LRP1B: variants seen among roughly 807,000 people sequenced by gnomAD.
The protein encoded by LRP1B is LDL receptor related protein 1B, also known as low-density lipoprotein receptor-related protein 1B.
A neutral mutation model predicts 556.6 loss-of-function variants in LRP1B; 217 were observed. That is an observed-to-expected ratio of 0.39 (90% CI 0.35 to 0.44). The LOEUF (loss-of-function observed/expected upper bound fraction) is 0.44. Ranked by LOEUF, LRP1B falls within the 20% of genes least tolerant of loss-of-function variation. The pLI is 1.00. For missense variants in LRP1B, 5,053 were observed against 5,620.8 expected (o/e 0.90, Z 3.23); for synonymous variants, 2,047 against 1,865.8 (o/e 1.10, Z -2.50).
intron 62 of LRP1B, among the ~76,000 whole-genome samples, chr2:140,452,995 A>C (rs16843965): frequency 0.071 from 9,737 of 137,240 alleles, 423 homozygotes; most frequent in African/African-American, 0.11. Flanking sequence ...ATAGGAGTGG[A>C]GAAAACTTAT....
At chr2:140,420,843 G>A (rs866891263) in intron 66 of LRP1B, among the ~76,000 whole-genome samples, 5 of 152,276 alleles carry the variant, frequency 3.3e-5, no homozygotes, top group African/African-American at 9.6e-5. Context: ...CAGGGGTGCA[G>A]GAAGCAGTGG....
intron 3 of LRP1B, among the ~76,000 whole-genome samples, chr2:141,442,253 T>C (rs185385879): frequency 5.2e-4 from 79 of 152,162 alleles, no homozygotes; most frequent in African/African-American, 1.8e-3. Flanking sequence ...ATACAACAAA[T>C]AGCAACATAC....
intron 31 of LRP1B, 85 bp from the exon 32 acceptor site, chr2:140,813,891 A>AG: frequency 1.1e-6 from 1 of 929,064 alleles, no homozygotes; most frequent in Non-Finnish European, 1.6e-6. Context: ...TGAGGGGAAA[A>AG]AAATAAGTTG....
At chr2:140,975,135 C>T (rs1341807769) in intron 18 of LRP1B, among the ~76,000 whole-genome samples, 2 of 152,112 alleles carry the variant, frequency 1.3e-5, no homozygotes, top group African/African-American at 2.4e-5. Context: ...AAAGGGCAGC[C>T]CACCAAGCAA....
intron 18 of LRP1B, among the ~76,000 whole-genome samples, chr2:140,973,991 T>G (rs546072868): frequency 1.3e-5 from 2 of 152,128 alleles, no homozygotes; most frequent in African/African-American, 4.8e-5. Flanking sequence ...CCTACAAACA[T>G]AGTCATGTAA....
chr2:140,455,385 A>T (rs1351405376), intron 62 of LRP1B, among the ~76,000 whole-genome samples: 1 of 152,202 alleles, frequency 6.6e-6, no homozygotes, highest in Non-Finnish European at 1.5e-5. Flanking sequence ...GAGTAATAAT[A>T]ACAACACCTA....
At chr2:141,370,805 T>C (rs2105590323) in intron 3 of LRP1B, among the ~76,000 whole-genome samples, 1 of 152,308 alleles carries the variant, frequency 6.6e-6, no homozygotes, top group Middle Eastern at 3.4e-3. Flanking sequence ...GTAATCCATC[T>C]TGAGTTGATT....
chr2:141,004,036 G>A (rs10928090), intron 15 of LRP1B, among the ~76,000 whole-genome samples: 84,203 of 151,860 alleles, frequency 0.55, 23,717 homozygotes, highest in Admixed American at 0.6. Context: ...TTTGAAAAAT[G>A]CATCTTTTCT....
At chr2:141,232,480 G>A (rs920594794) in intron 5 of LRP1B, among the ~76,000 whole-genome samples, 1 of 152,066 alleles carries the variant, frequency 6.6e-6, no homozygotes, top group African/African-American at 2.4e-5. Flanking sequence ...CTTAATGTAG[G>A]GCATAAACAT....
chr2:141,433,358 G>A (rs556966715), intron 3 of LRP1B, among the ~76,000 whole-genome samples: 22 of 152,142 alleles, frequency 1.4e-4, no homozygotes, highest in Admixed American at 2.6e-4. Context: ...TAAGAAGAGC[G>A]TGTATTCTGC....
At chr2:140,487,510 C>G in intron 58 of LRP1B, 107 bp downstream of exon 58, 1 of 1,054,406 alleles carries the variant, frequency 9.5e-7, no homozygotes, top group Non-Finnish European at 1.4e-6. Context: ...TGAAACCACC[C>G]TAATGCATTT....
At chr2:141,729,491 A>C (rs1437697008) in intron 2 of LRP1B, among the ~76,000 whole-genome samples, 1 of 152,144 alleles carries the variant, frequency 6.6e-6, no homozygotes, top group Non-Finnish European at 1.5e-5. Flanking sequence ...TAAAATCAGA[A>C]ATTATACATC....
At chr2:141,191,125 C>T (rs1009016682) in intron 6 of LRP1B, among the ~76,000 whole-genome samples, 1 of 151,910 alleles carries the variant, frequency 6.6e-6, no homozygotes, top group Admixed American at 6.6e-5. Flanking sequence ...ATGTTCTCTC[C>T]ATAACTTTCT....
At chr2:141,278,609 T>C (rs1573746345) in intron 3 of LRP1B, among the ~76,000 whole-genome samples, 1 of 152,054 alleles carries the variant, frequency 6.6e-6, no homozygotes, top group East Asian at 1.9e-4. Flanking sequence ...ATGATGAGGG[T>C]GATCTTTTCC....
intron 83 of LRP1B, among the ~76,000 whole-genome samples, chr2:140,302,329 T>C (rs1683869732): frequency 6.6e-6 from 1 of 152,204 alleles, no homozygotes; most frequent in African/African-American, 2.4e-5. Context: ...TCCATGTTGA[T>C]GTCTCTGGAC....
intron 20 of LRP1B, among the ~76,000 whole-genome samples, chr2:140,930,220 T>G (rs548401625): frequency 1.3e-5 from 2 of 152,272 alleles, no homozygotes; most frequent in South Asian, 4.1e-4. Flanking sequence ...TTTGCTGTTA[T>G]GTTTTCATGT....
chr2:140,425,279 G>A lies in LRP1B; in HGVS notation c.10414+17225C>T, dbSNP rs140650560. 2.0e-5 allele frequency among the ~76,000 whole-genome samples: 3 copies of A among 152,150 alleles called. No individual in the cohort carries two copies. The East Asian group carries it at 5.8e-4, about 29-fold the overall frequency. On this transcript the variant is annotated intron_variant, in intron 66 of 90. Coordinates refer to ENST00000389484, the MANE Select transcript of LRP1B (RefSeq NM_018557.3). ...TAAAAATTACCTATTCCATTAATTT[G>A]TATCTGAGTCTTACTTCTCTGCCTA...
intron 86 of LRP1B, among the ~76,000 whole-genome samples, chr2:140,250,638 C>T (rs553005133): frequency 1.3e-5 from 2 of 151,324 alleles, no homozygotes; most frequent in Admixed American, 6.6e-5. Context: ...TATGGTATTC[C>T]CTTTATGTTC....
At chr2:142,112,279 T>C (rs1368327399) in intron 1 of LRP1B, among the ~76,000 whole-genome samples, 3 of 152,018 alleles carry the variant, frequency 2.0e-5, no homozygotes, top group Admixed American at 1.3e-4. Flanking sequence ...ATTCAGAACA[T>C]TGAATATTCT....
Sources: allele counts gnomAD v4.1 joint callset (sites outside exome capture counted in the v4.1 genomes callset), GRCh38; gene constraint gnomAD v4.1.1; transcripts MANE v1.5; gene names NCBI Gene and HGNC (gene_info 2026-07-23, HGNC 2026-07-21).